ACSS2: variants seen among roughly 807,000 people sequenced by gnomAD.
ACSS2 encodes acetyl-coenzyme A synthetase, cytoplasmic.
Under a neutral mutation model 90.6 loss-of-function variants are expected in ACSS2, and 58 were observed. The ratio of observed to expected loss-of-function variants is 0.64; its 90% confidence interval spans 0.52 to 0.80. The LOEUF (loss-of-function observed/expected upper bound fraction) is 0.80, where lower values mean the gene tolerates loss of function less well. Among genes scored for constraint, ACSS2 ranks in the 30% least tolerant of loss-of-function variants. ACSS2 has a pLI of 0.00. For missense variants in ACSS2, 759 were observed against 912.0 expected (o/e 0.83, Z 2.16); for synonymous variants, 300 against 330.9 (o/e 0.91, Z 1.01).
chr20:34,921,656 A>C, intron 12 of ACSS2, 56 bp downstream of exon 12: 1 of 1,613,494 alleles, frequency 6.2e-7, no homozygotes. Context: ...GTCTTGGGGC[A>C]CTTGGCCTAG....
At chr20:34,923,651 A>G (rs2147104914) in intron 14 of ACSS2, among the ~76,000 whole-genome samples, 1 of 152,350 alleles carries the variant, frequency 6.6e-6, no homozygotes, top group Admixed American at 6.5e-5. Flanking sequence ...CAATCACGGC[A>G]GAAAGCAAAG....
chr20:34,883,256 A>G (rs1568962372), intron 2 of ACSS2, among the ~76,000 whole-genome samples: 3 of 152,164 alleles, frequency 2.0e-5, no homozygotes, highest in African/African-American at 7.2e-5. Flanking sequence ...AGAGAACAAG[A>G]CTGAGTAGCT....
At chr20:34,909,445 T>A (rs1458562585) in intron 2 of ACSS2, among the ~76,000 whole-genome samples, 2 of 152,212 alleles carry the variant, frequency 1.3e-5, no homozygotes, top group Non-Finnish European at 2.9e-5. Context: ...AGGTATATTG[T>A]TAAATTTGAA....
chr20:34,919,503 G>A lies in ACSS2; in HGVS notation c.903G>A (p.Glu301=), dbSNP rs2081147967. The change falls in exon 8 of 18, where the codon GAG becomes GAA. Residue 301 remains glutamate (E), a synonymous_variant. Coordinates refer to ENST00000360596, the MANE Select transcript of ACSS2 (RefSeq NM_018677.4). ...TGCAAGAGGCAGGGGATGAGTGTGA[G>A]CCCGAGTGGTGTGATGCCGAGGACC... The part of the protein sequence containing the change: ...ELMQEAGDEC[E]PEWCDAEDPL... 4 of 1,612,638 alleles carry A rather than the reference G, an allele frequency of 2.5e-6. No individual in the cohort carries two copies. Among genetic ancestry groups the A allele is most frequent in the Non-Finnish European group, 3.4e-6 (4 of 1,179,994 alleles).
chr20:34,924,578 G>A (rs979726765), intron 14 of ACSS2, among the ~76,000 whole-genome samples: 3 of 152,176 alleles, frequency 2.0e-5, no homozygotes, highest in Non-Finnish European at 2.9e-5. Context: ...CAAGCAAAGG[G>A]AAGAATATTA....
intron 2 of ACSS2, among the ~76,000 whole-genome samples, chr20:34,898,798 C>A (rs1221538253): frequency 6.6e-6 from 1 of 152,148 alleles, no homozygotes; most frequent in Non-Finnish European, 1.5e-5. Context: ...GCGCCGTGTG[C>A]CTGCACTCCT....
intron 3 of ACSS2, 99 bp downstream of exon 3, chr20:34,913,286 T>A: frequency 1.3e-6 from 2 of 1,552,686 alleles, no homozygotes; most frequent in Non-Finnish European, 1.8e-6. Context: ...AAGAATTTGG[T>A]AACAGAGGAA....
intron 2 of ACSS2, among the ~76,000 whole-genome samples, chr20:34,897,376 C>G (rs946218728): frequency 6.6e-6 from 1 of 152,278 alleles, no homozygotes; most frequent in Non-Finnish European, 1.5e-5. Flanking sequence ...AACTTCTTCT[C>G]CTCCAGCTCT....
upstream of ACSS2, among the ~76,000 whole-genome samples, chr20:34,875,386 T>C (rs2079884900): frequency 6.6e-6 from 1 of 152,070 alleles, no homozygotes; most frequent in Non-Finnish European, 1.5e-5. Context: ...CTGGACAACA[T>C]GGTGAAATCC....
At chr20:34,911,995 T>G (rs193242945) in intron 2 of ACSS2, among the ~76,000 whole-genome samples, 97 of 151,974 alleles carry the variant, frequency 6.4e-4, no homozygotes, top group African/African-American at 2.1e-3. Context: ...TTTTTGTATT[T>G]TTAGTAGAGG....
At chr20:34,884,393 G>A (rs6088639) in intron 2 of ACSS2, among the ~76,000 whole-genome samples, 1 of 152,220 alleles carries the variant, frequency 6.6e-6, no homozygotes, top group African/African-American at 2.4e-5. Flanking sequence ...AAGAAATTTA[G>A]GTTCTCCTTT....
intron 2 of ACSS2, among the ~76,000 whole-genome samples, chr20:34,911,745 A>G (rs1218415063): frequency 6.6e-6 from 1 of 152,182 alleles, no homozygotes; most frequent in Non-Finnish European, 1.5e-5. Context: ...TTTGTTTATT[A>G]CCCACACTAT....
rs183847650 is a variant in ACSS2 at position 34,913,158 on chromosome 20, G to A, written c.437G>A (p.Cys146Tyr). The A allele has an allele frequency of 6.2e-7, 1 of 1,614,196 alleles. No homozygotes were observed. Among genetic ancestry groups the A allele is most frequent in the Admixed American group, 1.7e-5 (1 of 60,026 alleles). Residue 146 changes from cysteine (C) to tyrosine (Y), a missense_variant, in exon 3 of 18, where the codon TGT becomes TAT. Coordinates refer to ENST00000360596, the MANE Select transcript of ACSS2 (RefSeq NM_018677.4). Reference sequence around the variant, plus strand: ...TACCATCAGCTTCTGGTCCAAGTGTGTCAGTTCAGCAATGTTCTCCGAAAA... The same window carrying A: ...TACCATCAGCTTCTGGTCCAAGTGTATCAGTTCAGCAATGTTCTCCGAAAA... ...ITYHQLLVQVCQFSNVLRKQG... is the reference protein window; with the variant it reads ...ITYHQLLVQVYQFSNVLRKQG...
chr20:34,909,382 C>A (rs112799728), intron 2 of ACSS2, among the ~76,000 whole-genome samples: 11 of 151,822 alleles, frequency 7.2e-5, no homozygotes, highest in African/African-American at 2.4e-4. Flanking sequence ...ACAACAACAA[C>A]AACAAATAAA....
intron 2 of ACSS2, among the ~76,000 whole-genome samples, chr20:34,895,534 C>T (rs978755543): frequency 3.9e-5 from 6 of 152,200 alleles, no homozygotes; most frequent in African/African-American, 1.4e-4. Context: ...GATGCCAATT[C>T]TTTCAATACT....
At chr20:34,909,802 C>CTGGTTTG (rs2080904210) in intron 2 of ACSS2, among the ~76,000 whole-genome samples, 1 of 151,294 alleles carries the variant, frequency 6.6e-6, no homozygotes, top group Non-Finnish European at 1.5e-5. Context: ...CTGTAGCCTT[C>CTGGTTTG]ACCTTCTGGG....
intron 2 of ACSS2, among the ~76,000 whole-genome samples, chr20:34,907,372 C>T (rs1485734160): frequency 2.6e-5 from 4 of 152,290 alleles, no homozygotes; most frequent in Middle Eastern, 6.8e-3. Flanking sequence ...CCCACCTCAG[C>T]CTCCCAAAGT....
Position 34,913,081 on chromosome 20 carries a change from T to C in ACSS2, c.375-15T>C, listed in dbSNP as rs2080998690. The stretch of plus-strand genomic sequence containing the variant: ...GTTATACCCCTAATCACTGGTTCTT[T>C]CTGGTATGTCTCAGGGAGGGCAATG... On this transcript the variant is annotated splice_polypyrimidine_tract_variant and intron_variant, in intron 2 of 17. Transcript: ENST00000360596. 4 of 1,605,174 alleles carry C rather than the reference T, an allele frequency of 2.5e-6. No homozygotes were observed. Among genetic ancestry groups the C allele is most frequent in the Non-Finnish European group, 3.4e-6 (4 of 1,171,852 alleles).
Position 34,913,740 on chromosome 20 carries a change from T to C in ACSS2, c.571-13T>C, listed in dbSNP as rs769203598. On this transcript the variant is annotated splice_polypyrimidine_tract_variant and intron_variant, in intron 4 of 17. Transcript: ENST00000360596. ...GCTTTCTTCTCTCCCTCAGACTTTC[T>C]TCCCTTCCCTAGTTTGCAGGCTTCT... 12 of 1,613,470 alleles carry C rather than the reference T, an allele frequency of 7.4e-6. No homozygotes were observed. The highest frequency in any genetic ancestry group is 1.0e-5 in the Non-Finnish European group (12 of 1,179,374).
Sources: allele counts gnomAD v4.1 joint callset (sites outside exome capture counted in the v4.1 genomes callset), GRCh38; gene constraint gnomAD v4.1.1; transcripts MANE v1.5; gene names NCBI Gene and HGNC (gene_info 2026-07-23, HGNC 2026-07-21).